DCHS2: variants seen among roughly 807,000 people sequenced by gnomAD.
DCHS2 encodes the protein dachsous cadherin-related 2, also known as protocadherin-23.
In DCHS2, 142 loss-of-function variants were observed where a neutral mutation model predicts 182.4. The ratio of observed to expected loss-of-function variants is 0.78; its 90% CI spans 0.68 to 0.89. The LOEUF (loss-of-function observed/expected upper bound fraction) is 0.89. Among genes scored for constraint, DCHS2 ranks in the 40% least tolerant of loss-of-function variants. DCHS2 has a pLI of 0.00. For missense variants in DCHS2, 4,319 were observed against 4,198.6 expected, an observed-to-expected ratio of 1.03 and a Z score of -0.79; for synonymous variants, 1,740 against 1,663.3, an observed-to-expected ratio of 1.05 and a Z score of -1.12.
At chr4:154,265,859 G>A (rs1374033624) in intron 14 of DCHS2, among the ~76,000 whole-genome samples, 1 of 152,120 alleles carries the variant, frequency 6.6e-6, no homozygotes. Flanking sequence ...CCTTCCCTGT[G>A]GGGGATATAT....
Position 154,490,135 on chromosome 4 carries a change from A to G in DCHS2, c.1221T>C (p.Asn407=). 1 of 1,548,042 alleles carries G rather than the reference A, an allele frequency of 6.5e-7. No individual in the cohort carries two copies. Among genetic ancestry groups the G allele is most frequent in the Non-Finnish European group, 8.7e-7 (1 of 1,145,338 alleles). The change falls in exon 1 of 20, where the codon AAT becomes AAC. Residue 407 remains asparagine, a synonymous_variant. Transcript: ENST00000357232. Reference sequence around the variant, plus strand: ...GCACGTGAATTGCTGGCCGGTTGTCATTCACGTCCAGCACGGCGATGGACA... The same window carrying G: ...GCACGTGAATTGCTGGCCGGTTGTCGTTCACGTCCAGCACGGCGATGGACA... ...VRVSIAVLDV[N]DNRPAIHVLF...
chr4:154,239,097 T>A, intron 19 of DCHS2, 73 bp downstream of exon 19: 1 of 1,537,638 alleles, frequency 6.5e-7, no homozygotes, highest in Non-Finnish European at 8.7e-7. Context: ...TAGAGGCATT[T>A]AGAAAGGGTT....
chr4:154,352,786 C>A (rs145858767), intron 3 of DCHS2, among the ~76,000 whole-genome samples: 1 of 152,320 alleles, frequency 6.6e-6, no homozygotes, highest in African/African-American at 2.4e-5. Flanking sequence ...CTGAATTTGG[C>A]TTTGGCTCTC....
At chr4:154,344,851 C>T (rs886843894) in intron 3 of DCHS2, among the ~76,000 whole-genome samples, 5 of 152,166 alleles carry the variant, frequency 3.3e-5, no homozygotes, top group Admixed American at 3.3e-4. Flanking sequence ...CCAGGAAGTA[C>T]TCTGGTCACC....
At chr4:154,419,589 G>A (rs1048437259) in intron 1 of DCHS2, among the ~76,000 whole-genome samples, 14 of 136,128 alleles carry the variant, frequency 1.0e-4, no homozygotes, top group African/African-American at 3.8e-4. Flanking sequence ...GGCGGAGGTT[G>A]CAGTGAGCCG....
chr4:154,320,676 G>C lies in DCHS2; in HGVS notation c.4723C>G (p.Leu1575Val), dbSNP rs754798499. 1 of 1,614,106 alleles carries C rather than the reference G, an allele frequency of 6.2e-7. No homozygotes were observed. The highest frequency in any genetic ancestry group is 2.2e-5 in the East Asian group (1 of 44,886). ...ACAGTTGGAATGCTTTCTCTGTCAA[G>C]ACGGGACACAGTGACTAGTGTGCCA... ...SFGTLVTVSR[L>V]DRESIPTVIL... The change falls in exon 9 of 20, where the codon CTT becomes GTT. Residue 1575 changes from leucine (L) to valine (V), a missense_variant. Physicochemically the swap from Leu to Val is conservative, Grantham distance 32. Transcript: ENST00000357232.
In DCHS2 at chr4:154,333,148, G is replaced by T. The variant is rs369219219; in HGVS notation, c.3060C>A (p.Ser1020Arg). 5.0e-6 allele frequency: 8 copies of T among 1,614,142 alleles called. No individual in the cohort carries two copies. The highest frequency in any genetic ancestry group is 5.9e-6 in the Non-Finnish European group (7 of 1,180,034). The part of the protein sequence containing the change: ...RNGLIRYSIA[S>R]PQPGVFAIDR... ...CGATGGCAAAGACGCCTGGCTGCGG[G>T]CTGGCGATGGAGTACCGGATGAGTC... Residue 1020 changes from serine (S) to arginine (R), a missense_variant, in exon 5 of 20, where the codon AGC (serine) becomes AGA (arginine). Coordinates refer to ENST00000357232, the MANE Select transcript of DCHS2 (RefSeq NM_001358235.2).
At chr4:154,270,183 T>TATACTAGC (rs1554000514) in intron 13 of DCHS2, among the ~76,000 whole-genome samples, 170 bp from the exon 14 acceptor site, 1 of 152,162 alleles carries the variant, frequency 6.6e-6, no homozygotes, top group Non-Finnish European at 1.5e-5. Flanking sequence ...GTGCTAGGGA[T>TATACTAGC]ATACTAGCAA....
At chr4:154,356,070 G>A (rs1729846509) in intron 3 of DCHS2, among the ~76,000 whole-genome samples, 1 of 152,112 alleles carries the variant, frequency 6.6e-6, no homozygotes, top group South Asian at 2.1e-4. Flanking sequence ...GCTATCATAG[G>A]AGATGACAGC....
intron 12 of DCHS2, among the ~76,000 whole-genome samples, chr4:154,302,367 G>A (rs12504514): frequency 0.026 from 4,004 of 152,312 alleles, 277 homozygotes; most frequent in Admixed American, 0.16. Context: ...GTCTTGGTTT[G>A]TGCAGGGTGG....
intron 16 of DCHS2, 131 bp from the exon 17 acceptor site, chr4:154,242,903 C>T: frequency 3.9e-6 from 5 of 1,292,150 alleles, no homozygotes; most frequent in South Asian, 3.5e-5. Flanking sequence ...CTTGGATTTT[C>T]TAAATGGCAT....
chr4:154,341,337 CCAGCCTGAGAGA>C (rs1281956452), intron 3 of DCHS2, among the ~76,000 whole-genome samples: 37 of 149,214 alleles, frequency 2.5e-4, no homozygotes, highest in African/African-American at 8.9e-4. Flanking sequence ...CCACTGCACT[CCAGCCTGAGAGA>C]CAGAGCGAGA....
rs180748302 is a variant in DCHS2, at chr4:154,347,729, G to T, written c.2477-12625C>A. Among the ~76,000 whole-genome samples, 5 of 151,966 alleles carry T rather than the reference G, an allele frequency of 3.3e-5. No homozygotes were observed. In the East Asian group the frequency reaches 9.7e-4, roughly 29 times the overall value. On this transcript the variant is annotated intron_variant, in intron 3 of 19. Transcript: ENST00000357232. ...AATATTTTGGGGAAAGGGAAAGTAGGAGGAACTTGAGTAGCATCAATACTT... is the reference window on the plus strand; with the variant it reads ...AATATTTTGGGGAAAGGGAAAGTAGTAGGAACTTGAGTAGCATCAATACTT...
At chr4:154,312,408 G>T (rs935043404) in intron 10 of DCHS2, among the ~76,000 whole-genome samples, 9 of 152,194 alleles carry the variant, frequency 5.9e-5, no homozygotes, top group African/African-American at 1.9e-4. Context: ...GAGAGACCCA[G>T]CGCTGTGACT....
chr4:154,435,294 T>C (rs1005205630), intron 1 of DCHS2, among the ~76,000 whole-genome samples: 1 of 152,142 alleles, frequency 6.6e-6, no homozygotes, highest in Non-Finnish European at 1.5e-5. Flanking sequence ...CCAGATAACA[T>C]TTAAAAATTA....
chr4:154,355,444 A>G (rs550740947), intron 3 of DCHS2: 2 of 152,152 alleles, frequency 1.3e-5, no homozygotes, highest in Non-Finnish European at 2.9e-5. Context: ...TTCCCAGAAA[A>G]CTCAGAAATA....
intron 1 of DCHS2, among the ~76,000 whole-genome samples, chr4:154,428,345 G>C (rs1016335612): frequency 1.3e-5 from 2 of 152,056 alleles, no homozygotes; most frequent in Admixed American, 6.6e-5. Context: ...TTCAAGACCA[G>C]CTTGGGTAAC....
chr4:154,484,206 C>T (rs985459825), intron 1 of DCHS2, among the ~76,000 whole-genome samples: 1 of 152,192 alleles, frequency 6.6e-6, no homozygotes. Context: ...GCCATCCTTC[C>T]TCTTACGCTT....
intron 12 of DCHS2, among the ~76,000 whole-genome samples, chr4:154,300,241 T>C (rs1055322063): frequency 1.3e-5 from 2 of 151,534 alleles, no homozygotes; most frequent in African/African-American, 4.9e-5. Flanking sequence ...AAGCAGGGGG[T>C]CAAATTGTGA....
Sources: allele counts gnomAD v4.1 joint callset (sites outside exome capture counted in the v4.1 genomes callset), GRCh38; gene constraint gnomAD v4.1.1; transcripts MANE v1.5; gene names NCBI Gene and HGNC (gene_info 2026-07-23, HGNC 2026-07-21).